The following PARP15 variants were observed in gnomAD, a reference collection of about 807,000 sequenced individuals.
The protein encoded by PARP15 is protein mono-ADP-ribosyltransferase PARP15.
Under a neutral mutation model 62.1 loss-of-function variants are expected in PARP15, and 50 were observed. That is an observed-to-expected ratio of 0.81 (90% CI 0.64 to 1.02). PARP15 has a LOEUF of 1.02. PARP15 is among the 50% of genes least tolerant of loss of function. PARP15 has a pLI of 0.00. For synonymous variants in PARP15, 309 were observed against 293.1 expected (o/e 1.05, Z -0.55); for missense variants, 820 against 826.5 (o/e 0.99, Z 0.10).
At chr3:122,625,534 G>T (rs772434782) in intron 8 of PARP15, among the ~76,000 whole-genome samples, 2 of 152,164 alleles carry the variant, frequency 1.3e-5, no homozygotes, top group Non-Finnish European at 2.9e-5. Context: ...GATTACAGGC[G>T]TGAGCACCTA....
chr3:122,636,126 A>AT lies in PARP15; in HGVS notation c.*29dup. On this transcript the variant is annotated 3_prime_UTR_variant, in exon 12 of 12. Transcript: ENST00000464300. ...AAATATTTTTATCATCAAAGAGATG[A>AT]TTTAAGTCATCTGTAAGAACAACAT... 2 of 1,581,528 alleles carry AT rather than the reference A, an allele frequency of 1.3e-6. No homozygotes were observed. The highest frequency in any genetic ancestry group is 1.7e-4 in the Middle Eastern group (1 of 5,922).
At chr3:122,630,081 T>A (rs1235341611) in intron 9 of PARP15, among the ~76,000 whole-genome samples, 1 of 152,182 alleles carries the variant, frequency 6.6e-6, no homozygotes, top group African/African-American at 2.4e-5. Context: ...CAAAGAGCTG[T>A]ATGGGAAGAG....
intron 1 of PARP15, among the ~76,000 whole-genome samples, chr3:122,599,266 G>A (rs2107502780): frequency 6.6e-6 from 1 of 152,278 alleles, no homozygotes; most frequent in South Asian, 2.1e-4. Flanking sequence ...TACTTGGGAA[G>A]CCGAGGTGAG....
chr3:122,616,913 A>G, intron 5 of PARP15, 102 bp from the exon 6 acceptor site: 1 of 1,354,032 alleles, frequency 7.4e-7, no homozygotes. Flanking sequence ...GTTGGGGGAA[A>G]AGAAAGAGGG....
At position 122,635,921 on chromosome 3, in the gene PARP15, G is replaced by T. The variant is rs149846611; in HGVS notation, c.1858G>T (p.Val620Leu). Residue 620 changes from valine (V) to leucine (L), a missense_variant, in exon 12 of 12, where the codon GTA becomes TTA. Transcript: ENST00000464300. Reference protein sequence around the residue: ...NGRKHMYVVRVLTGVFTKGRA... With the variant: ...NGRKHMYVVRLLTGVFTKGRA... Reference sequence around the variant, plus strand: ...GAGAAAGCACATGTACGTTGTGCGAGTACTTACTGGAGTCTTCACAAAGGG... The same window carrying T: ...GAGAAAGCACATGTACGTTGTGCGATTACTTACTGGAGTCTTCACAAAGGG... 6.4e-5 allele frequency: 103 copies of T among 1,614,144 alleles called. 1 individual carries two copies. In the East Asian group the frequency reaches 1.1e-3, roughly 18 times the overall value.
chr3:122,594,231 T>A (rs1193846081), intron 1 of PARP15, among the ~76,000 whole-genome samples: 1 of 151,798 alleles, frequency 6.6e-6, no homozygotes, highest in African/African-American at 2.4e-5. Flanking sequence ...AGCCAAGGAG[T>A]TTAAGGTTAC....
chr3:122,594,853 T>C, intron 1 of PARP15: 2 of 982,996 alleles, frequency 2.0e-6, no homozygotes, highest in African/African-American at 3.5e-5. Context: ...ATTGAAAATA[T>C]GCCACTTGAT....
At chr3:122,604,720 G>C (rs1002535879) in intron 1 of PARP15, among the ~76,000 whole-genome samples, 53 of 152,190 alleles carry the variant, frequency 3.5e-4, no homozygotes, top group African/African-American at 1.2e-3. Context: ...AATTAGACGG[G>C]AGTGGTGGCG....
Position 122,619,814 on chromosome 3 carries a change from A to G in PARP15, c.1034A>G (p.Gln345Arg). The G allele has an allele frequency of 6.2e-7, 1 of 1,613,886 alleles. No homozygotes were observed. The highest frequency in any genetic ancestry group is 8.5e-7 in the Non-Finnish European group (1 of 1,179,718). Reference sequence around the variant, plus strand: ...AGAGCTATTTTAGAAGGTGCTGGACAAGCTGTGGAAAGTGAATGTGCTGTA... The same window carrying G: ...AGAGCTATTTTAGAAGGTGCTGGACGAGCTGTGGAAAGTGAATGTGCTGTA... ...VSRAILEGAG[Q>R]AVESECAVLA... The change falls in exon 7 of 12, where the codon CAA becomes CGA. Residue 345 changes from glutamine (Q) to arginine (R), a missense_variant. Physicochemically the swap from Gln to Arg is conservative, Grantham distance 43 (BLOSUM62 1). Transcript: ENST00000464300.
At chr3:122,601,514 C>T (rs965206644) in intron 1 of PARP15, among the ~76,000 whole-genome samples, 1 of 152,202 alleles carries the variant, frequency 6.6e-6, no homozygotes, top group African/African-American at 2.4e-5. Context: ...TTAAATTATA[C>T]AGTATGTAGC....
rs147422036 is a variant in PARP15, at chr3:122,616,829, T to C, written c.851-186T>C. Among the ~76,000 whole-genome samples, 625 of 152,328 alleles carry C rather than the reference T, an allele frequency of 4.1e-3. 3 individuals are homozygous for C. Among genetic ancestry groups the C allele is most frequent in the African/African-American group, 0.013 (553 of 41,576 alleles). On this transcript the variant is annotated intron_variant, in intron 5 of 11. Coordinates refer to ENST00000464300, the MANE Select transcript of PARP15 (RefSeq NM_001113523.3). The stretch of plus-strand genomic sequence containing the variant: ...AGATATGCTTACTGTCACAAAGCGT[T>C]ATTTTCTAATTTCCTTTAAAAAGAA...
At chr3:122,632,912 G>A (rs921033706) in intron 10 of PARP15, among the ~76,000 whole-genome samples, 2 of 152,180 alleles carry the variant, frequency 1.3e-5, no homozygotes, top group African/African-American at 2.4e-5. Context: ...TGCTGATGGG[G>A]TAGAATGCAT....
chr3:122,608,752 C>T (rs1025113763), intron 2 of PARP15, among the ~76,000 whole-genome samples: 1 of 150,044 alleles, frequency 6.7e-6, no homozygotes, highest in African/African-American at 2.5e-5. Context: ...TTGATTTAAA[C>T]ATTACAACAA....
chr3:122,581,666 C>T (rs79237482), intron 1 of PARP15, among the ~76,000 whole-genome samples: 8,714 of 152,228 alleles, frequency 0.057, 315 homozygotes, highest in Non-Finnish European at 0.086. Flanking sequence ...ATATGATTTG[C>T]AAATATTTTC....
intron 9 of PARP15, among the ~76,000 whole-genome samples, 167 bp from the exon 10 acceptor site, chr3:122,631,919 T>C (rs969574196): frequency 1.3e-5 from 2 of 152,230 alleles, no homozygotes; most frequent in Admixed American, 1.3e-4. Flanking sequence ...ATTCACTTCA[T>C]CTGGATTTAC....
At chr3:122,632,288 A>G (rs1937105146) in intron 10 of PARP15, 69 bp downstream of exon 10, 1 of 1,426,786 alleles carries the variant, frequency 7.0e-7, no homozygotes, top group Non-Finnish European at 9.7e-7. Flanking sequence ...CTCTTTTTAA[A>G]TAACACCCTT....
In PARP15 at chr3:122,637,976, T is replaced by G. The variant is rs896556733; in HGVS notation, c.*1876T>G. On this transcript the variant is annotated 3_prime_UTR_variant, in exon 12 of 12. Coordinates refer to ENST00000464300, the MANE Select transcript of PARP15 (RefSeq NM_001113523.3). ...CTCCCCACCCCACAACAGGCCCCGG[T>G]GTGTGATGTTCCCCTTCCTGTGTCC... The G allele has an allele frequency of 8.6e-5, 13 of 151,834 alleles. No individual in the cohort carries two copies. The highest frequency in any genetic ancestry group is 2.9e-4 in the African/African-American group (12 of 41,396). 9.4% of individuals were successfully genotyped at this position (151,834 alleles called of 1,614,324 possible).
Position 122,577,871 on chromosome 3 carries a change from C to A in PARP15, c.186+18C>A. ...GGAGTATGGTGAGGAGCGCGGGGGACGGGTGCGGGAAGGGGACAGCAGGGC... is the reference window on the plus strand; with the variant it reads ...GGAGTATGGTGAGGAGCGCGGGGGAAGGGTGCGGGAAGGGGACAGCAGGGC... On this transcript the variant is annotated intron_variant, in intron 1 of 11. Coordinates refer to ENST00000464300, the MANE Select transcript of PARP15 (RefSeq NM_001113523.3). 3 of 1,530,074 alleles carry A rather than the reference C, an allele frequency of 2.0e-6. No individual in the cohort carries two copies. Among genetic ancestry groups the A allele is most frequent in the Non-Finnish European group, 2.6e-6 (3 of 1,135,226 alleles). 94.8% of individuals were successfully genotyped at this position (1,530,074 alleles called of 1,614,324 possible).
rs1936774803 is a variant in PARP15 at position 122,626,976 on chromosome 3, A to G, written c.1381A>G (p.Lys461Glu). ...ELLNIFYDSM[K>E]KRDLSASLNF... ...GCTAAATATATTCTACGACAGCATG[A>G]AAAAAAGAGACCTCTCTGCATCACT... is the stretch of plus-strand genomic sequence containing the variant. The change falls in exon 9 of 12, where the codon AAA becomes GAA. Residue 461 changes from lysine (K) to glutamate (E), a missense_variant. By Grantham distance (56) the Lys-to-Glu change is moderately conservative. Coordinates refer to ENST00000464300, the MANE Select transcript of PARP15 (RefSeq NM_001113523.3). The G allele has an allele frequency of 1.2e-6, 2 of 1,613,614 alleles. No homozygotes were observed. The highest frequency in any genetic ancestry group is 2.7e-5 in the African/African-American group (2 of 74,876).
Sources: allele counts gnomAD v4.1 joint callset (sites outside exome capture counted in the v4.1 genomes callset), GRCh38; gene constraint gnomAD v4.1.1; transcripts MANE v1.5; gene names NCBI Gene and HGNC (gene_info 2026-07-23, HGNC 2026-07-21).